The following DRC11 variants were observed in gnomAD, a reference collection of about 807,000 sequenced individuals.
DRC11 encodes IQ and AAA domain-containing protein 1.
At chr2:236,447,881 CA>C in the DRC11 span, among the ~76,000 whole-genome samples, 1 of 76,766 alleles carries the variant, frequency 1.3e-5, no homozygotes, top group African/African-American at 5.3e-5. This position sits in a 1 kb window ranked among gnomAD's most constrained non-coding sequence, Gnocchi z 4.6. Context: ...GAAAGCTGGC[CA>C]GGGGAGGGTG....
At chr2:236,467,596 G>T in the DRC11 span, among the ~76,000 whole-genome samples, 1 of 152,160 alleles carries the variant, frequency 6.6e-6, no homozygotes, top group East Asian at 1.9e-4. Flanking sequence ...TTGTGCTTCT[G>T]GTCATTAGGG....
chr2:236,355,550 C>T, the DRC11 span, among the ~76,000 whole-genome samples: 3 of 152,192 alleles, frequency 2.0e-5, no homozygotes, highest in Admixed American at 6.5e-5. Flanking sequence ...CCCGAGGCTG[C>T]ACTGGAGCCG....
the DRC11 span, chr2:236,343,884 C>T: frequency 2.0e-6 from 1 of 499,648 alleles, no homozygotes; most frequent in African/African-American, 2.0e-5. This position sits in a 1 kb window ranked among gnomAD's most constrained non-coding sequence, Gnocchi z 6.6. Context: ...CAAATCATCT[C>T]TACCTGCGAA....
the DRC11 span, among the ~76,000 whole-genome samples, chr2:236,400,359 T>C: frequency 1.3e-5 from 2 of 152,110 alleles, no homozygotes; most frequent in South Asian, 2.1e-4. This position sits in a 1 kb window ranked among gnomAD's most constrained non-coding sequence, Gnocchi z 7.9. Context: ...AGATGGGAGA[T>C]TGCGGTGCTA....
chr2:236,425,774 G>C, the DRC11 span, among the ~76,000 whole-genome samples: 2 of 151,924 alleles, frequency 1.3e-5, no homozygotes, highest in Non-Finnish European at 2.9e-5. Context: ...CTGGTCTTTT[G>C]TTCATGGCTT....
chr2:236,491,219 G>GTATATATATA, the DRC11 span, among the ~76,000 whole-genome samples: 3 of 19,550 alleles, frequency 1.5e-4, no homozygotes, highest in African/African-American at 4.0e-4. Flanking sequence ...TATACACACA[G>GTATATATATA]TATATATATA....
At chr2:236,387,397 A>G in the DRC11 span, among the ~76,000 whole-genome samples, 1 of 151,622 alleles carries the variant, frequency 6.6e-6, no homozygotes, top group African/African-American at 2.4e-5. Context: ...TGTTGAATTG[A>G]TCCCTTTACC....
chr2:236,440,904 ACACC>A, the DRC11 span: 1 of 613,102 alleles, frequency 1.6e-6, no homozygotes. Flanking sequence ...ACAATGATGA[ACACC>A]CAAAAGTATT....
chr2:236,407,132 C>T, the DRC11 span, among the ~76,000 whole-genome samples: 9 of 152,280 alleles, frequency 5.9e-5, no homozygotes, highest in South Asian at 1.9e-3. Flanking sequence ...ATCAACATTC[C>T]TCATGGCTTT....
chr2:236,497,151 C>G, the DRC11 span: 3 of 1,590,510 alleles, frequency 1.9e-6, no homozygotes, highest in South Asian at 2.3e-5. The surrounding 1 kb of genome is among the most constrained non-coding windows in gnomAD (Gnocchi z 5.1). Flanking sequence ...AAGAAAACAA[C>G]AGAGTGCTTA....
chr2:236,488,011 G>A, the DRC11 span: 19 of 1,586,190 alleles, frequency 1.2e-5, no homozygotes, highest in South Asian at 5.8e-5. Context: ...TTCTGAATGC[G>A]GAGTGCAGCA....
chr2:236,435,311 C>T, the DRC11 span, among the ~76,000 whole-genome samples: 1 of 152,240 alleles, frequency 6.6e-6, no homozygotes, highest in Non-Finnish European at 1.5e-5. Flanking sequence ...GCATCCATGG[C>T]AGGGGTCAGC....
chr2:236,321,721 C>T, the DRC11 span, among the ~76,000 whole-genome samples: 116 of 152,292 alleles, frequency 7.6e-4, no homozygotes, highest in African/African-American at 2.6e-3. Context: ...GCAGGAGCAC[C>T]GTCATCTCTG....
At chr2:236,459,644 CGTATATAT>C in the DRC11 span, among the ~76,000 whole-genome samples, 17 of 137,404 alleles carry the variant, frequency 1.2e-4, no homozygotes, top group South Asian at 4.4e-4. Context: ...TACGTATATA[CGTATATAT>C]GTATATACAT....
the DRC11 span, among the ~76,000 whole-genome samples, chr2:236,421,817 T>C: frequency 1.3e-5 from 2 of 152,178 alleles, no homozygotes; most frequent in Non-Finnish European, 2.9e-5. Flanking sequence ...AATAAAATAC[T>C]GGCAAAACAA....
At chr2:236,417,042 G>A in the DRC11 span, among the ~76,000 whole-genome samples, 881 of 151,004 alleles carry the variant, frequency 5.8e-3, 10 homozygotes, top group African/African-American at 0.02. Flanking sequence ...TTGCAGGTAT[G>A]TATTTTTAGT....
the DRC11 span, among the ~76,000 whole-genome samples, chr2:236,434,297 A>G: frequency 6.6e-6 from 1 of 152,100 alleles, no homozygotes; most frequent in Admixed American, 6.6e-5. The surrounding 1 kb of genome is among the most constrained non-coding windows in gnomAD (Gnocchi z 5.5). Context: ...TGTTTTATTA[A>G]TATATATTTC....
the DRC11 span, chr2:236,493,761 T>A: frequency 1.3e-6 from 2 of 1,584,314 alleles, no homozygotes; most frequent in Non-Finnish European, 1.7e-6. Flanking sequence ...TAAAATGATA[T>A]ACAAACCATG....
At chr2:236,366,980 T>A in the DRC11 span, among the ~76,000 whole-genome samples, 1 of 148,776 alleles carries the variant, frequency 6.7e-6, no homozygotes, top group Non-Finnish European at 1.5e-5. Context: ...CGGCTATTTT[T>A]TTTTTTTTTT....
Sources: allele counts gnomAD v4.1 joint callset (sites outside exome capture counted in the v4.1 genomes callset), GRCh38; gene constraint gnomAD v4.1.1; non-coding constraint Gnocchi (gnomAD v3.1); transcripts MANE v1.5; gene names NCBI Gene and HGNC (gene_info 2026-07-23, HGNC 2026-07-21).